Variants in CCPG1 observed in about 807,000 individuals in gnomAD.
CCPG1 encodes cell cycle progression 1.
Under a neutral mutation model 81.3 loss-of-function variants are expected in CCPG1, and 46 were observed. The observed-to-expected ratio is 0.57, with a 90% CI of 0.45 to 0.72. The LOEUF is 0.72. Ranked by LOEUF, CCPG1 falls within the 30% of genes least tolerant of loss-of-function variation. The probability of loss-of-function intolerance (pLI) is 0.00; values close to 1 mark genes in which losing one functional copy is unlikely to be tolerated. For missense variants in CCPG1, 902 were observed against 937.6 expected, an observed-to-expected ratio of 0.96 and a Z score of 0.50; for synonymous variants, 330 against 305.2, an observed-to-expected ratio of 1.08 and a Z score of -0.85.
At chr15:55,364,217 G>C (rs1406720603) in intron 7 of CCPG1, among the ~76,000 whole-genome samples, 1 of 150,506 alleles carries the variant, frequency 6.6e-6, no homozygotes, top group Admixed American at 6.6e-5. Context: ...GAGGTGTTAG[G>C]TAATGACAGA....
chr15:55,405,890 AGTCTCACTCT>A (rs1209857902), intron 1 of CCPG1, among the ~76,000 whole-genome samples: 2 of 152,200 alleles, frequency 1.3e-5, no homozygotes, highest in Admixed American at 1.3e-4. Flanking sequence ...TTTTTGAGAC[AGTCTCACTCT>A]GTCACCCAGG....
intron 3 of CCPG1, among the ~76,000 whole-genome samples, chr15:55,380,804 G>C (rs897563154): frequency 1.3e-5 from 2 of 151,740 alleles, no homozygotes; most frequent in Non-Finnish European, 2.9e-5. Flanking sequence ...CACGAGGTCA[G>C]GAGTTCAAGA....
At position 55,365,323 on chromosome 15, in the gene CCPG1, T is replaced by A; in HGVS notation, c.707-14A>T. On this transcript the variant is annotated splice_polypyrimidine_tract_variant and intron_variant, in intron 6 of 8. Coordinates refer to ENST00000442196, the MANE Select transcript of CCPG1 (RefSeq NM_001204450.2). ...TCTGAATTGTGCCTAAAATAAATAT[T>A]TTTATTAAAGGTATGTAACAAAAAT... 6.8e-7 allele frequency: 1 copy of A among 1,471,296 alleles called. No homozygotes were observed. The highest frequency in any genetic ancestry group is 9.3e-7 in the Non-Finnish European group (1 of 1,074,070). The allele number at this position is 1,471,296 out of a possible 1,614,324, so 91.1% of individuals were successfully genotyped here. A position where few individuals can be genotyped will look rare whatever the true frequency, so the allele number is the denominator to read the frequency against.
intron 6 of CCPG1, among the ~76,000 whole-genome samples, chr15:55,368,133 C>T (rs947905865): frequency 6.6e-6 from 1 of 152,106 alleles, no homozygotes; most frequent in Non-Finnish European, 1.5e-5. Flanking sequence ...ATGTGAGGTC[C>T]GCAGTCAAGG....
In CCPG1 at chr15:55,360,305, T is replaced by G. The variant is rs1566965711; in HGVS notation, c.1468A>C (p.Lys490Gln). 3.7e-6 allele frequency: 6 copies of G among 1,613,872 alleles called. No homozygotes were observed. Among genetic ancestry groups the G allele is most frequent in the Non-Finnish European group, 4.2e-6 (5 of 1,179,988 alleles). The change falls in exon 8 of 9, where the codon AAG becomes CAG. Residue 490 changes from lysine (K) to glutamine (Q), a missense_variant. Physicochemically the swap from Lys to Gln is moderately conservative, Grantham distance 53. Coordinates refer to ENST00000442196, the MANE Select transcript of CCPG1 (RefSeq NM_001204450.2). ...TTCTTCATGGCATCAAATGTTTCCTTAACTGAACCCAAAAATGTTTCCTTT... is the reference window on the plus strand; with the variant it reads ...TTCTTCATGGCATCAAATGTTTCCTGAACTGAACCCAAAAATGTTTCCTTT... ...KSKETFLGSV[K>Q]ETFDAMKNST...
rs202145045 is a variant in CCPG1, at chr15:55,360,472, A to G, written c.1301T>C (p.Leu434Pro). Residue 434 changes from leucine to proline, a missense_variant, in exon 8 of 9, where the codon CTG becomes CCG. This residue lies in a region of CCPG1 where 746 missense variants were observed against 728.6 expected (regional missense o/e 1.02). Transcript: ENST00000442196. ...CTGTTCGAAGGTTAGCTTCCGTTCC[A>G]GCTCAGTGAGTCTTTCCCGTAAGAT... ...IAILRERLTE[L>P]ERKLTFEQQR... 6 of 1,614,132 alleles carry G rather than the reference A, an allele frequency of 3.7e-6. No homozygotes were observed. The highest frequency in any genetic ancestry group is 3.4e-6 in the Non-Finnish European group (4 of 1,180,032).
Sources: allele counts gnomAD v4.1 joint callset (sites outside exome capture counted in the v4.1 genomes callset), GRCh38; gene constraint gnomAD v4.1.1; regional missense constraint gnomAD v4.1.1; transcripts MANE v1.5; gene names NCBI Gene and HGNC (gene_info 2026-07-23, HGNC 2026-07-21).